SCAMP4: variants seen among roughly 807,000 people sequenced by gnomAD.
SCAMP4 encodes secretory carrier-associated membrane protein 4.
In SCAMP4, 19 loss-of-function variants were observed where a neutral mutation model predicts 32.1. The observed-to-expected ratio is 0.59, with a 90% CI of 0.41 to 0.87. The LOEUF is 0.87. Among genes scored for constraint, SCAMP4 ranks in the 40% least tolerant of loss-of-function variants. The probability of loss-of-function intolerance (pLI) is 0.00; values close to 1 mark genes in which losing one functional copy is unlikely to be tolerated. For synonymous variants in SCAMP4, 152 were observed against 132.7 expected (o/e 1.15, Z -1.00); for missense variants, 302 against 309.0 (o/e 0.98, Z 0.17).
chr19:1,909,631 G>T (rs557504981), intron 1 of SCAMP4, among the ~76,000 whole-genome samples: 25 of 152,164 alleles, frequency 1.6e-4, no homozygotes, highest in African/African-American at 6.0e-4. Context: ...TGGTAACAGT[G>T]CTGGTGATGT....
intron 5 of SCAMP4, chr19:1,920,438 C>T: frequency 3.3e-6 from 2 of 606,810 alleles, no homozygotes; most frequent in Non-Finnish European, 4.1e-6. Context: ...GGCCTCTCCC[C>T]TCCTGCACCT....
intron 2 of SCAMP4, 105 bp from the exon 3 acceptor site, chr19:1,917,589 C>T (rs1044001981): frequency 1.5e-4 from 188 of 1,281,056 alleles, no homozygotes; most frequent in Non-Finnish European, 2.0e-4. Flanking sequence ...ACTGCAGAGT[C>T]CCTTCTGCCA....
At chr19:1,919,291 A>AC (rs2145454193) in intron 5 of SCAMP4, 1 of 1,226,440 alleles carries the variant, frequency 8.2e-7, no homozygotes, top group African/African-American at 1.5e-5. Flanking sequence ...TGTTGATCAC[A>AC]CCCCTGACCC....
chr19:1,922,480 C>A, intron 5 of SCAMP4: 1 of 930,750 alleles, frequency 1.1e-6, no homozygotes, highest in Non-Finnish European at 1.3e-6. Flanking sequence ...AGTGATCCGC[C>A]CGCCTCGGCC....
At chr19:1,913,929 G>A (rs1457110022) in intron 1 of SCAMP4, among the ~76,000 whole-genome samples, 1 of 152,202 alleles carries the variant, frequency 6.6e-6, no homozygotes, top group Non-Finnish European at 1.5e-5. Flanking sequence ...CCGGCAGGTG[G>A]GGGCTCTGCG....
Position 1,924,104 on chromosome 19 carries a change from G to T in SCAMP4, c.514-4G>T. 6.2e-7 allele frequency: 1 copy of T among 1,606,048 alleles called. No homozygotes were observed. The highest frequency in any genetic ancestry group is 8.5e-7 in the Non-Finnish European group (1 of 1,176,368). ...TTCTGCCTCCCTGTCCTCTGTCCTT[G>T]CAGGTGCACAGGATCTACCGAGGGG... is the stretch of plus-strand genomic sequence containing the variant. On this transcript the variant is annotated splice_region_variant and splice_polypyrimidine_tract_variant and intron_variant, in intron 6 of 6. Coordinates refer to ENST00000316097, the MANE Select transcript of SCAMP4 (RefSeq NM_079834.4).
intron 1 of SCAMP4, among the ~76,000 whole-genome samples, chr19:1,910,013 G>A (rs1599235118): frequency 6.6e-6 from 1 of 152,348 alleles, no homozygotes; most frequent in East Asian, 1.9e-4. Flanking sequence ...CAGGCTGTGT[G>A]CTGTTCTGGG....
intron 5 of SCAMP4, chr19:1,922,645 GAC>G: frequency 1.0e-6 from 1 of 986,902 alleles, no homozygotes; most frequent in South Asian, 4.7e-5. Context: ...CCCATCATTA[GAC>G]ACAGTTGCCG....
chr19:1,913,285 A>C (rs1240978771), intron 1 of SCAMP4: 2 of 1,313,332 alleles, frequency 1.5e-6, no homozygotes, highest in African/African-American at 3.0e-5. Context: ...AGCGGGGAGC[A>C]CGGGTGCTGC....
rs944916841 is a variant in SCAMP4, at chr19:1,920,894, C to G, written c.395+1904C>G. On this transcript the variant is annotated intron_variant, in intron 5 of 6. Coordinates refer to ENST00000316097, the MANE Select transcript of SCAMP4 (RefSeq NM_079834.4). ...ACCCTCAGAGACCTCCCTGCCCCCT[C>G]GGCCCTCGTGCACGTGCGGCAGCAG... 4.1e-6 allele frequency: 4 copies of G among 985,254 alleles called. No individual in the cohort carries two copies. The African/African-American group carries it at 7.0e-5, about 17-fold the overall frequency. 61.0% of individuals were successfully genotyped at this position (985,254 alleles called of 1,614,324 possible).
At chr19:1,918,367 G>C in intron 4 of SCAMP4, 84 bp downstream of exon 4, 1 of 1,385,824 alleles carries the variant, frequency 7.2e-7, no homozygotes, top group East Asian at 2.5e-5. Flanking sequence ...GCTGTGAGGA[G>C]CTGTCCCTTT....
intron 6 of SCAMP4, among the ~76,000 whole-genome samples, chr19:1,923,504 C>T (rs958112151): frequency 2.6e-5 from 4 of 151,926 alleles, no homozygotes; most frequent in African/African-American, 9.7e-5. Flanking sequence ...CTGGAGCTGT[C>T]CTGTCAGTGA....
chr19:1,912,603 C>G, intron 1 of SCAMP4: 2 of 1,485,924 alleles, frequency 1.3e-6, no homozygotes, highest in Non-Finnish European at 1.8e-6. Context: ...CACGCAGGAG[C>G]GCGCCGCCAT....
intron 1 of SCAMP4, chr19:1,912,509 G>A: frequency 1.3e-6 from 2 of 1,495,436 alleles, no homozygotes; most frequent in Non-Finnish European, 1.8e-6. Flanking sequence ...CCAGGGGCCA[G>A]TTCGAGGAGG....
chr19:1,911,219 TG>T (rs1340109685), intron 1 of SCAMP4, among the ~76,000 whole-genome samples: 1 of 151,828 alleles, frequency 6.6e-6, no homozygotes, highest in Non-Finnish European at 1.5e-5. Flanking sequence ...TCAGCCAGGC[TG>T]GGGTACAGTG....
chr19:1,923,151 C>T lies in SCAMP4; in HGVS notation c.477C>T (p.Ser159=), dbSNP rs61742039. Residue 159 remains serine, a synonymous_variant, in exon 6 of 7, where the codon TCC becomes TCT. Transcript: ENST00000316097. ...VVMLLPAIMF[S]VSAAMMAIAI... is the part of the protein sequence containing the mutation. ...TGCTGCTTCCAGCCATCATGTTCTC[C>T]GTGTCGGCTGCCATGATGGCCATCG... 2,813 of 1,551,848 alleles carry T rather than the reference C, an allele frequency of 1.8e-3. 30 individuals carry two copies. The African/African-American group carries it at 0.029, about 16-fold the overall frequency.
At chr19:1,910,234 G>A (rs959998339) in intron 1 of SCAMP4, among the ~76,000 whole-genome samples, 7 of 152,208 alleles carry the variant, frequency 4.6e-5, no homozygotes, top group African/African-American at 1.4e-4. Context: ...GAGGCTCAAC[G>A]GGGGTGGCAT....
At chr19:1,919,104 T>C in intron 5 of SCAMP4, 114 bp downstream of exon 5, 1 of 1,526,288 alleles carries the variant, frequency 6.6e-7, no homozygotes, top group South Asian at 1.2e-5. Context: ...TTGTACGCGC[T>C]CTCCTAGGGA....
At chr19:1,922,196 A>G in intron 5 of SCAMP4, 1 of 985,470 alleles carries the variant, frequency 1.0e-6, no homozygotes, top group Non-Finnish European at 1.2e-6. Flanking sequence ...GGTCCTGCAC[A>G]GAGGGACCCA....
Sources: allele counts gnomAD v4.1 joint callset (sites outside exome capture counted in the v4.1 genomes callset), GRCh38; gene constraint gnomAD v4.1.1; transcripts MANE v1.5; gene names NCBI Gene and HGNC (gene_info 2026-07-23, HGNC 2026-07-21).